The following SLC37A1 variants were observed in gnomAD, a reference collection of about 807,000 sequenced individuals.
SLC37A1 encodes the protein glucose-6-phosphate exchanger SLC37A1.
In SLC37A1, 49 loss-of-function variants were observed where a neutral mutation model predicts 75.3. The ratio of observed to expected loss-of-function variants is 0.65; its 90% confidence interval spans 0.52 to 0.83. The LOEUF (loss-of-function observed/expected upper bound fraction) is 0.83. Among genes scored for constraint, SLC37A1 ranks in the 40% least tolerant of loss-of-function variants. The pLI, the probability that SLC37A1 is intolerant of heterozygous loss-of-function variation, is 0.00. For missense variants in SLC37A1, 566 were observed against 695.0 expected (o/e 0.81, Z 2.09); for synonymous variants, 268 against 292.1 (o/e 0.92, Z 0.84).
At chr21:42,513,166 G>A (rs1232669939), upstream of SLC37A1, among the ~76,000 whole-genome samples, 1 of 152,148 alleles carries the variant, frequency 6.6e-6, no homozygotes, top group African/African-American at 2.4e-5. Context: ...GCTTCTAGGG[G>A]ACTGGCCAGG....
chr21:42,542,702 C>T (rs1266870520), intron 7 of SLC37A1, among the ~76,000 whole-genome samples: 3 of 152,236 alleles, frequency 2.0e-5, no homozygotes, highest in African/African-American at 4.8e-5. Context: ...CCGTGTCACT[C>T]GGCGGCTCCT....
intron 18 of SLC37A1, among the ~76,000 whole-genome samples, chr21:42,578,770 G>A (rs969743219): frequency 5.3e-5 from 8 of 152,186 alleles, no homozygotes; most frequent in Non-Finnish European, 1.0e-4. Context: ...CCTCATACAA[G>A]GGACTCCTAA....
chr21:42,542,325 C>T, intron 6 of SLC37A1, 79 bp from the exon 7 acceptor site: 2 of 1,293,288 alleles, frequency 1.5e-6, no homozygotes, highest in Non-Finnish European at 2.2e-6. Context: ...GTAAGTGGAG[C>T]AAGCTCTGTG....
At position 42,513,939 on chromosome 21, in the gene SLC37A1, C is replaced by T. The variant is rs1018309821; in HGVS notation, c.-957C>T. 1.4e-5 allele frequency: 2 copies of T among 146,440 alleles called. No homozygotes were observed. Among genetic ancestry groups the T allele is most frequent in the Non-Finnish European group, 3.0e-5 (2 of 65,740 alleles). 9.1% of individuals were successfully genotyped at this position (146,440 alleles called of 1,614,324 possible). A position where few individuals can be genotyped will look rare whatever the true frequency, so the allele number is the denominator to read the frequency against. Reference sequence around the variant, plus strand: ...CGGCGGCGCAGGTGAGGCGCGGGGCCGGGGCCGGACCGGGAGGCGGGGACC... The same window carrying T: ...CGGCGGCGCAGGTGAGGCGCGGGGCTGGGGCCGGACCGGGAGGCGGGGACC... On this transcript the variant is annotated 5_prime_UTR_variant, in exon 1 of 20. Transcript: ENST00000352133.
intron 9 of SLC37A1, among the ~76,000 whole-genome samples, chr21:42,550,220 A>G (rs956728446): frequency 6.6e-6 from 1 of 152,254 alleles, no homozygotes; most frequent in Non-Finnish European, 1.5e-5. Flanking sequence ...ATCATCCTGC[A>G]CCTAGACTGA....
chr21:42,540,464 C>T (rs552686885), intron 6 of SLC37A1, among the ~76,000 whole-genome samples: 13 of 152,132 alleles, frequency 8.5e-5, no homozygotes, highest in East Asian at 3.9e-4. Context: ...GATGCAAGGG[C>T]GGAAGGAAGG....
chr21:42,562,056 G>A (rs368352718), intron 11 of SLC37A1, 22 bp from the exon 12 acceptor site: 28 of 1,604,530 alleles, frequency 1.7e-5, no homozygotes, highest in South Asian at 1.1e-4. Context: ...TGGAGGAGAC[G>A]CCTGACTGCT....
upstream of SLC37A1, among the ~76,000 whole-genome samples, chr21:42,513,046 T>C (rs190265243): frequency 4.5e-4 from 69 of 152,290 alleles, no homozygotes; most frequent in Middle Eastern, 3.4e-3. Flanking sequence ...GCAGGCTTTT[T>C]CCCCGGAAAA....
At position 42,539,652 on chromosome 21, in the gene SLC37A1, G is replaced by A. The variant is rs1416179040; in HGVS notation, c.486+5G>A. 2.5e-6 allele frequency: 4 copies of A among 1,612,126 alleles called. No homozygotes were observed. In the African/African-American group the frequency reaches 5.3e-5, roughly 22 times the overall value. ...GGATTCTACGTGGTAACTCAGGTAA[G>A]GGTTTGGATCCGTGGCTCACCATGT... On this transcript the variant is annotated splice_donor_5th_base_variant and intron_variant, in intron 6 of 19. Coordinates refer to ENST00000352133, the MANE Select transcript of SLC37A1 (RefSeq NM_001320537.2).
chr21:42,499,708 A>G (rs2054323786), exon 1 of SLC37A1: 1 of 152,280 alleles, frequency 6.6e-6, no homozygotes, highest in South Asian at 2.1e-4. Flanking sequence ...GTGGAGGGCA[A>G]CAGTGGCCAC....
rs1329225462 is a variant in SLC37A1, at chr21:42,539,401, T to A, written c.351-111T>A. ...CCTGGAAATTGTAAGGCTTGAGAGT[T>A]CCCCAAGCTCAGAGAACAGCATGAA... On this transcript the variant is annotated intron_variant, in intron 5 of 19. Transcript: ENST00000352133. 1.3e-5 allele frequency: 16 copies of A among 1,261,982 alleles called. No individual in the cohort carries two copies. The South Asian group carries it at 2.1e-4, about 17-fold the overall frequency. The allele number at this position is 1,261,982 out of a possible 1,614,324, so 78.2% of individuals were successfully genotyped here. A position where few individuals can be genotyped will look rare whatever the true frequency, so the allele number is the denominator to read the frequency against.
chr21:42,575,241 A>G (rs936535602), intron 18 of SLC37A1: 1 of 984,274 alleles, frequency 1.0e-6, no homozygotes, highest in Non-Finnish European at 1.2e-6. Flanking sequence ...CACAGTTTCC[A>G]CAGCTTTAAA....
chr21:42,575,783 A>T, intron 18 of SLC37A1: 1 of 985,422 alleles, frequency 1.0e-6, no homozygotes. Flanking sequence ...CTAAAACTCA[A>T]CTTCCCCACC....
chr21:42,512,276 T>C (rs1337964123), upstream of SLC37A1, among the ~76,000 whole-genome samples: 4 of 151,558 alleles, frequency 2.6e-5, no homozygotes, highest in Non-Finnish European at 5.9e-5. Flanking sequence ...CGAGGTGTCC[T>C]ATATATCCTG....
intron 9 of SLC37A1, among the ~76,000 whole-genome samples, chr21:42,550,399 T>C (rs919009230): frequency 1.3e-5 from 2 of 152,244 alleles, no homozygotes; most frequent in Non-Finnish European, 2.9e-5. Context: ...CAAAACTGAC[T>C]CAAGAGAGGA....
chr21:42,546,990 A>G, intron 8 of SLC37A1, 113 bp from the exon 9 acceptor site: 2 of 1,229,032 alleles, frequency 1.6e-6, no homozygotes, highest in South Asian at 1.3e-5. Context: ...TCCTGCATAC[A>G]GTCCAGTTTC....
intron 4 of SLC37A1, 133 bp from the exon 5 acceptor site, chr21:42,535,338 TC>T (rs1449978034): frequency 2.8e-6 from 2 of 715,960 alleles, no homozygotes; most frequent in Non-Finnish European, 4.8e-6. Context: ...CGCCTTGTTT[TC>T]TATGTGGAAA....
At chr21:42,540,973 A>G (rs2055266142) in intron 6 of SLC37A1, among the ~76,000 whole-genome samples, 1 of 152,208 alleles carries the variant, frequency 6.6e-6, no homozygotes, top group Non-Finnish European at 1.5e-5. Context: ...AGCGGCTCCC[A>G]GGCGTCTTCT....
At chr21:42,532,032 G>A (rs2054997295) in intron 3 of SLC37A1, among the ~76,000 whole-genome samples, 1 of 152,072 alleles carries the variant, frequency 6.6e-6, no homozygotes. Context: ...TTATAGTAAT[G>A]CTGGGACACA....
Sources: gnomAD v4.1 joint callset for allele counts (sites outside exome capture counted in the v4.1 genomes callset) on GRCh38, gnomAD v4.1.1 for gene constraint, MANE v1.5 for transcripts, NCBI Gene and HGNC (gene_info 2026-07-23, HGNC 2026-07-21) for gene names.